The following AGBL1 variants were observed in gnomAD, a reference collection of about 807,000 sequenced individuals.
AGBL1 encodes cytosolic carboxypeptidase 4.
AGBL1 carries 130 observed loss-of-function variants against 118.9 expected under a neutral mutation model. The observed-to-expected ratio is 1.09, with a 90% CI of 0.95 to 1.26. AGBL1 has a LOEUF of 1.26. AGBL1 is among the 50% of genes most tolerant of loss of function. The pLI is 0.00. For missense variants in AGBL1, 1,584 were observed against 1,298.1 expected, an observed-to-expected ratio of 1.22 and a Z score of -3.38; for synonymous variants, 555 against 478.9, an observed-to-expected ratio of 1.16 and a Z score of -2.08.
chr15:86,190,210 C>T (rs1277770761), intron 5 of AGBL1, among the ~76,000 whole-genome samples: 1 of 152,028 alleles, frequency 6.6e-6, no homozygotes, highest in Non-Finnish European at 1.5e-5. Context: ...TATATAGCAT[C>T]TCTTTAATAT....
chr15:86,255,103 G>C (rs1005843748), intron 7 of AGBL1, among the ~76,000 whole-genome samples: 1 of 152,040 alleles, frequency 6.6e-6, no homozygotes, highest in Non-Finnish European at 1.5e-5. Flanking sequence ...ACATACCTAG[G>C]TTCCAAAATG....
chr15:86,332,941 T>A (rs1419924109), intron 17 of AGBL1, among the ~76,000 whole-genome samples: 2 of 152,222 alleles, frequency 1.3e-5, no homozygotes, highest in Non-Finnish European at 1.5e-5. Context: ...CCTGAATGAG[T>A]TTTGAGTAAA....
At chr15:86,762,789 G>T (rs1166045472) in intron 22 of AGBL1, among the ~76,000 whole-genome samples, 1 of 152,122 alleles carries the variant, frequency 6.6e-6, no homozygotes, top group African/African-American at 2.4e-5. Context: ...CCAACTCAAA[G>T]AATGCATTAT....
At chr15:86,533,533 C>T (rs1296349126) in intron 19 of AGBL1, among the ~76,000 whole-genome samples, 1 of 121,710 alleles carries the variant, frequency 8.2e-6, no homozygotes, top group South Asian at 3.0e-4. Context: ...ACTAGTTCAA[C>T]CATTGTGGAA....
rs149442631 is a variant in AGBL1 at position 86,475,591 on chromosome 15, C to T, written c.2556-47219C>T. On this transcript the variant is annotated intron_variant, in intron 18 of 22. Coordinates refer to ENST00000614907, the MANE Select transcript of AGBL1 (RefSeq NM_001386094.1). ...AGACTATGTGAAAAGACCAAATCTA[C>T]GTCTGATTGGTTTACCTGAAAGTGA... is the stretch of plus-strand genomic sequence containing the variant. Among the ~76,000 whole-genome samples, 39 of 152,236 alleles carry T rather than the reference C, an allele frequency of 2.6e-4. 1 individual carries two copies. The highest frequency in any genetic ancestry group is 3.4e-3 in the Middle Eastern group (1 of 294).
intron 22 of AGBL1, among the ~76,000 whole-genome samples, chr15:86,893,884 A>C (rs16978064): frequency 0.11 from 17,216 of 152,242 alleles, 1,498 homozygotes; most frequent in East Asian, 0.32. Context: ...TATCATTTCA[A>C]GAAGAAAAAC....
rs570151239 is a variant in AGBL1 at position 86,435,450 on chromosome 15, A to T, written c.2555+37904A>T. Among the ~76,000 whole-genome samples the T allele has an allele frequency of 1.5e-3, 222 of 152,318 alleles. 6 individuals are homozygous for T. The South Asian group carries it at 0.044, about 30-fold the overall frequency. On this transcript the variant is annotated intron_variant, in intron 18 of 22. Transcript: ENST00000614907. The stretch of plus-strand genomic sequence containing the variant: ...GTTTCACTTCAATCAGACTTTTGGT[A>T]AATTTACATTTTTGAAGAATCCTAT...
At chr15:86,577,536 C>T (rs569649320) in intron 21 of AGBL1, among the ~76,000 whole-genome samples, 4 of 152,102 alleles carry the variant, frequency 2.6e-5, no homozygotes, top group Non-Finnish European at 5.9e-5. Context: ...AACAAGGAAC[C>T]AAATGTTAAT....
At chr15:86,234,601 T>C (rs58967365) in intron 6 of AGBL1, among the ~76,000 whole-genome samples, 5,587 of 151,086 alleles carry the variant, frequency 0.037, 325 homozygotes, top group African/African-American at 0.13. Flanking sequence ...GAATAGCACT[T>C]GCTCAGTGGT....
At chr15:86,870,806 T>C (rs542110504) in intron 22 of AGBL1, among the ~76,000 whole-genome samples, 1 of 152,230 alleles carries the variant, frequency 6.6e-6, no homozygotes, top group Non-Finnish European at 1.5e-5. Context: ...ATACATCATA[T>C]GTACTGAGAT....
At chr15:86,974,504 GAATATAAATA>G (rs1567267849) in intron 23 of AGBL1, among the ~76,000 whole-genome samples, 3,418 of 116,898 alleles carry the variant, frequency 0.029, 192 homozygotes, top group Non-Finnish European at 0.043. Context: ...TTTATATATT[GAATATAAATA>G]TATATAATAT....
At chr15:86,094,745 C>A (rs1387154801) in intron 1 of AGBL1, among the ~76,000 whole-genome samples, 2 of 152,186 alleles carry the variant, frequency 1.3e-5, no homozygotes, top group African/African-American at 4.8e-5. Context: ...CTACTATGAT[C>A]TGTTTGTATC....
intron 5 of AGBL1, among the ~76,000 whole-genome samples, chr15:86,161,936 C>T (rs961042): frequency 6.6e-6 from 1 of 152,030 alleles, no homozygotes; most frequent in Non-Finnish European, 1.5e-5. Flanking sequence ...TGGGCAATAA[C>T]AAATAATGTG....
chr15:86,941,637 T>G lies in AGBL1; in HGVS notation c.3222-46350T>G, dbSNP rs560524069. On this transcript the variant is annotated intron_variant, in intron 23 of 24. Transcript: ENST00000441037. ...CCATCCTGGCAGATCTTGCTGGAAA[T>G]AGGCCCTTTGGAATTTGCTGGAAAA... is the stretch of plus-strand genomic sequence containing the variant. Among the ~76,000 whole-genome samples, 4 of 152,246 alleles carry G rather than the reference T, an allele frequency of 2.6e-5. No homozygotes were observed. The East Asian group carries it at 7.8e-4, about 30-fold the overall frequency.
intron 17 of AGBL1, among the ~76,000 whole-genome samples, chr15:86,311,013 G>A (rs1051431932): frequency 6.6e-5 from 10 of 152,112 alleles, no homozygotes; most frequent in Non-Finnish European, 1.0e-4. Flanking sequence ...GGTGGGCCCC[G>A]CGCTTCACTC....
chr15:87,001,168 C>T (rs1356041786), intron 24 of AGBL1, among the ~76,000 whole-genome samples: 1 of 146,476 alleles, frequency 6.8e-6, no homozygotes, highest in Non-Finnish European at 1.5e-5. Context: ...ATCATGTCAT[C>T]TGCAAACAGG....
At position 86,678,740 on chromosome 15, in the gene AGBL1, T is replaced by G. The variant is rs558990320; in HGVS notation, c.3158+4304T>G. 5.3e-5 allele frequency among the ~76,000 whole-genome samples: 8 copies of G among 152,254 alleles called. No homozygotes were observed. In the South Asian group the frequency reaches 1.7e-3, roughly 32 times the overall value. On this transcript the variant is annotated intron_variant, in intron 22 of 22. Transcript: ENST00000614907. ...AACAGATAAATTCACACCCACTGTT[T>G]ATCTATCTGTTATTGAACTGAGGTA... is the stretch of plus-strand genomic sequence containing the variant.
chr15:86,827,938 C>CTTTTTTTTTGTTTTTTTTTTTTTTTTT (rs2079052919), intron 22 of AGBL1, among the ~76,000 whole-genome samples: 1 of 16,760 alleles, frequency 6.0e-5, no homozygotes, highest in African/African-American at 2.0e-4. Context: ...TGATGTAGGG[C>CTTTTTTTTTGTTTTTTTTTTTTTTTTT]TTTTTTTTTT....
chr15:86,890,378 G>C lies in AGBL1; in HGVS notation c.3159-16709G>C, dbSNP rs149292044. ...GATTGATAATTGTTTCTTTTGCCAT[G>C]CAGAAGCTCATTAGTTTAATTAGAC... On this transcript the variant is annotated intron_variant, in intron 22 of 22. Coordinates refer to ENST00000614907, the MANE Select transcript of AGBL1 (RefSeq NM_001386094.1). Among the ~76,000 whole-genome samples the C allele has an allele frequency of 2.8e-3, 433 of 152,172 alleles. 2 individuals are homozygous for C. Among genetic ancestry groups the C allele is most frequent in the African/African-American group, 1.0e-2 (415 of 41,526 alleles).
Sources: allele counts gnomAD v4.1 joint callset (sites outside exome capture counted in the v4.1 genomes callset), GRCh38; gene constraint gnomAD v4.1.1; transcripts MANE v1.5; gene names NCBI Gene and HGNC (gene_info 2026-07-23, HGNC 2026-07-21).